Variants in ATXN8OS observed in about 807,000 individuals in gnomAD.
ATXN8OS encodes the protein ATXN8 opposite strand (non-protein coding).
upstream of ATXN8OS, chr13:70,107,551 C>T (rs1335828954): frequency 6.2e-7 from 1 of 1,608,674 alleles, no homozygotes; most frequent in African/African-American, 1.3e-5. Flanking sequence ...CTGGCTGGGT[C>T]CCCAGTGCTC....
upstream of ATXN8OS, chr13:70,107,606 G>C (rs1888104139): frequency 6.3e-7 from 1 of 1,592,638 alleles, no homozygotes; most frequent in African/African-American, 1.3e-5. Context: ...CCCCCCGCCG[G>C]GCCGCCGGTG....
chr13:70,126,840 G>A (rs966147249), intron 2 of ATXN8OS, among the ~76,000 whole-genome samples: 14 of 151,126 alleles, frequency 9.3e-5, no homozygotes, highest in Non-Finnish European at 1.6e-4. Context: ...CTGTATATCC[G>A]TATCTATATA....
intron 2 of ATXN8OS, among the ~76,000 whole-genome samples, chr13:70,127,148 T>G (rs1244882560): frequency 6.6e-6 from 1 of 151,906 alleles, no homozygotes; most frequent in African/African-American, 2.4e-5. Context: ...TCAAATTGGA[T>G]AATAGCTCAA....
At chr13:70,133,310 C>G (rs1218497390) in intron 3 of ATXN8OS, among the ~76,000 whole-genome samples, 1 of 152,110 alleles carries the variant, frequency 6.6e-6, no homozygotes, top group Non-Finnish European at 1.5e-5. Context: ...GTCCTAGCTA[C>G]TTGAGAAGCT....
chr13:70,167,038 A>T (rs1889084084), intron 4 of ATXN8OS, among the ~76,000 whole-genome samples: 1 of 151,956 alleles, frequency 6.6e-6, no homozygotes, highest in African/African-American at 2.4e-5. Context: ...GAGGTTGTGG[A>T]GAAATAGGAA....
chr13:70,160,829 TTATA>T lies in ATXN8OS; in HGVS notation n.574-8917_574-8914del, dbSNP rs1300559739. 1.6e-3 allele frequency among the ~76,000 whole-genome samples: 22 copies of T among 13,690 alleles called. 7 individuals carry two copies. The highest frequency in any genetic ancestry group is 2.5e-3 in the African/African-American group (20 of 8,024). The allele number at this position is 13,690 out of a possible 152,430, so 9.0% of individuals were successfully genotyped here. A position where few individuals can be genotyped will look rare whatever the true frequency, so the allele number is the denominator to read the frequency against. ...ATTATAAATATATATAAATATATAT[TTATA>T]TATATAAATATATTTATATTTTATG... On this transcript the variant is annotated intron_variant and non_coding_transcript_variant, in intron 4 of 4. Transcript: ENST00000678624.
chr13:70,155,663 G>A (rs1035697757), intron 4 of ATXN8OS, among the ~76,000 whole-genome samples: 6 of 151,936 alleles, frequency 3.9e-5, no homozygotes, highest in South Asian at 2.1e-4. Flanking sequence ...TTCAATCTTC[G>A]ATTTTCATGC....
At chr13:70,128,221 T>A (rs1305603802) in intron 2 of ATXN8OS, among the ~76,000 whole-genome samples, 1 of 152,198 alleles carries the variant, frequency 6.6e-6, no homozygotes, top group Non-Finnish European at 1.5e-5. Context: ...CATCCACTAA[T>A]GGCTTTATTG....
intron 4 of ATXN8OS, among the ~76,000 whole-genome samples, chr13:70,154,760 C>T (rs112877907): frequency 2.9e-4 from 44 of 152,296 alleles, no homozygotes; most frequent in African/African-American, 1.0e-3. Context: ...GATTCCTGTT[C>T]TCTGTAACTA....
At chr13:70,168,302 A>T (rs1212254032) in intron 4 of ATXN8OS, among the ~76,000 whole-genome samples, 1 of 152,128 alleles carries the variant, frequency 6.6e-6, no homozygotes, top group African/African-American at 2.4e-5. Context: ...ATATGTAATG[A>T]TCAAGTCAGG....
At chr13:70,117,286 G>T (rs1888293974) in intron 2 of ATXN8OS, among the ~76,000 whole-genome samples, 1 of 151,884 alleles carries the variant, frequency 6.6e-6, no homozygotes, top group Admixed American at 6.6e-5. Context: ...ATGTTGATTT[G>T]CTTAACTGTG....
intron 4 of ATXN8OS, among the ~76,000 whole-genome samples, chr13:70,168,805 T>G (rs997661618): frequency 6.6e-6 from 1 of 152,140 alleles, no homozygotes; most frequent in African/African-American, 2.4e-5. Flanking sequence ...CACCATAGTG[T>G]TAAGGTCTTC....
intron 3 of ATXN8OS, among the ~76,000 whole-genome samples, chr13:70,143,713 T>A (rs1888746402): frequency 6.6e-6 from 1 of 152,158 alleles, no homozygotes; most frequent in African/African-American, 2.4e-5. Context: ...ATCTAAATAA[T>A]ACATATACTA....
intron 3 of ATXN8OS, chr13:70,131,598 T>C: frequency 2.5e-6 from 1 of 397,562 alleles, no homozygotes; most frequent in Non-Finnish European, 4.4e-6. Flanking sequence ...ACCACTTCCC[T>C]CAGTTCAGTT....
At chr13:70,162,984 T>A (rs929597659) in intron 4 of ATXN8OS, among the ~76,000 whole-genome samples, 2 of 152,060 alleles carry the variant, frequency 1.3e-5, no homozygotes, top group African/African-American at 4.8e-5. Context: ...CCACAGGCCT[T>A]CAAGACTCAG....
At chr13:70,126,603 C>T (rs1024602710) in intron 2 of ATXN8OS, among the ~76,000 whole-genome samples, 10 of 140,832 alleles carry the variant, frequency 7.1e-5, no homozygotes, top group Non-Finnish European at 1.3e-4. Context: ...TCTATCTAGA[C>T]ATATTATATA....
At chr13:70,141,517 T>C (rs535230742) in intron 3 of ATXN8OS, among the ~76,000 whole-genome samples, 1 of 152,300 alleles carries the variant, frequency 6.6e-6, no homozygotes, top group East Asian at 1.9e-4. Context: ...ACAAAGAGGA[T>C]ATAGTATCCC....
intron 4 of ATXN8OS, among the ~76,000 whole-genome samples, chr13:70,160,072 T>C (rs1888985510): frequency 6.6e-6 from 1 of 152,190 alleles, no homozygotes; most frequent in Non-Finnish European, 1.5e-5. Context: ...GGTCTTATGG[T>C]TAATTGCATA....
intron 4 of ATXN8OS, among the ~76,000 whole-genome samples, chr13:70,153,926 A>G (rs984125837): frequency 6.6e-6 from 1 of 152,100 alleles, no homozygotes; most frequent in African/African-American, 2.4e-5. Context: ...GACTCAAGCA[A>G]TCTGCCCACC....
Sources: allele counts gnomAD v4.1 joint callset (sites outside exome capture counted in the v4.1 genomes callset), GRCh38; gene constraint gnomAD v4.1.1; transcripts MANE v1.5; gene names NCBI Gene and HGNC (gene_info 2026-07-23, HGNC 2026-07-21).